DCAF17: variants seen among roughly 807,000 people sequenced by gnomAD.
DCAF17 encodes the protein DDB1- and CUL4-associated factor 17.
Under a neutral mutation model 66.0 loss-of-function variants are expected in DCAF17, and 48 were observed. The ratio of observed to expected loss-of-function variants is 0.73; its 90% confidence interval spans 0.58 to 0.92. The LOEUF (loss-of-function observed/expected upper bound fraction) is 0.92. Ranked by LOEUF, DCAF17 falls within the 40% of genes least tolerant of loss-of-function variation. The pLI, the probability that DCAF17 is intolerant of heterozygous loss-of-function variation, is 0.00. For missense variants in DCAF17, 562 were observed against 622.8 expected (o/e 0.90, Z 1.04); for synonymous variants, 206 against 214.6 (o/e 0.96, Z 0.35).
rs930271306 is a variant in DCAF17 at position 171,483,977 on chromosome 2, A to T, written c.*2863A>T. 1 of 454,048 alleles carries T rather than the reference A, an allele frequency of 2.2e-6. No homozygotes were observed. The highest frequency in any genetic ancestry group is 1.6e-5 in the South Asian group (1 of 64,438). 28.1% of individuals were successfully genotyped at this position (454,048 alleles called of 1,614,324 possible). A position where few individuals can be genotyped will look rare whatever the true frequency, so the allele number is the denominator to read the frequency against. On this transcript the variant is annotated 3_prime_UTR_variant, in exon 14 of 14. Transcript: ENST00000375255. The stretch of plus-strand genomic sequence containing the variant: ...CCAACAACTATAATACTAGATATGT[A>T]GGAAAGTGCTTAATAATCGTTTTTT...
chr2:171,434,716 C>CGGCCGGGGCGGGACGGAG lies in DCAF17; in HGVS notation c.126+19_126+36dup. 2 of 1,447,462 alleles carry CGGCCGGGGCGGGACGGAG rather than the reference C, an allele frequency of 1.4e-6. No individual in the cohort carries two copies. The highest frequency in any genetic ancestry group is 1.8e-6 in the Non-Finnish European group (2 of 1,110,674). The allele number at this position is 1,447,462 out of a possible 1,614,324, so 89.7% of individuals were successfully genotyped here. ...GCTGGTGTGCCAGGTGACCGCCAGC[C>CGGCCGGGGCGGGACGGAG]GGCCGGGGCGGGACGGAGGGCCGCG... On this transcript the variant is annotated intron_variant, in intron 1 of 13. Transcript: ENST00000375255.
rs1694439874 is a variant in DCAF17, at chr2:171,443,562, A to G, written c.270A>G (p.Lys90=). ...SEPRKLYEMP[K]CSKSEKIEDA... is the part of the protein sequence containing the mutation. The stretch of plus-strand genomic sequence containing the variant: ...CAAGAAAACTTTATGAAATGCCAAA[A>G]TGTTCCAAATCAGAAAAAATAGAGG... The change falls in exon 3 of 14, where the codon AAA becomes AAG. Residue 90 remains lysine, a synonymous_variant. Coordinates refer to ENST00000375255, the MANE Select transcript of DCAF17 (RefSeq NM_025000.4). 11 of 1,613,142 alleles carry G rather than the reference A, an allele frequency of 6.8e-6. No individual in the cohort carries two copies. The highest frequency in any genetic ancestry group is 9.3e-6 in the Non-Finnish European group (11 of 1,179,472).
Position 171,458,038 on chromosome 2 carries a change from T to A in DCAF17, c.695T>A (p.Leu232Gln). The A allele has an allele frequency of 1.9e-6, 3 of 1,614,100 alleles. No individual in the cohort carries two copies. The highest frequency in any genetic ancestry group is 2.5e-6 in the Non-Finnish European group (3 of 1,179,978). Residue 232 changes from leucine (L) to glutamine (Q), a missense_variant, in exon 7 of 14, where the codon CTG (leucine) becomes CAG (glutamine). Physicochemically the swap from Leu to Gln is moderately radical, Grantham distance 113. This residue lies in a region of DCAF17 where 348 missense variants were observed against 355.9 expected (regional missense o/e 0.98). Transcript: ENST00000375255. ...GILIVMYSSG[L>Q]VRLYSFQTIA... Reference sequence around the variant, plus strand: ...CTGATTGTGATGTACAGCTCAGGACTGGTCAGACTCTATAGCTTCCAAACC... The same window carrying A: ...CTGATTGTGATGTACAGCTCAGGACAGGTCAGACTCTATAGCTTCCAAACC...
chr2:171,441,365 A>G (rs1559256134), intron 2 of DCAF17, among the ~76,000 whole-genome samples: 1 of 152,162 alleles, frequency 6.6e-6, no homozygotes, highest in East Asian at 1.9e-4. Context: ...CACTGACCTC[A>G]GATCTTCCCA....
intron 10 of DCAF17, chr2:171,474,397 T>C (rs1696400114): frequency 5.0e-6 from 1 of 199,988 alleles, no homozygotes; most frequent in East Asian, 1.3e-4. Context: ...AACTGACCTC[T>C]CCTTCCCTTA....
intron 9 of DCAF17, among the ~76,000 whole-genome samples, chr2:171,469,773 A>G (rs1696135444): frequency 6.6e-6 from 1 of 152,046 alleles, no homozygotes; most frequent in Admixed American, 6.6e-5. Context: ...GGGGAGTTCC[A>G]TTTTTATTTT....
At chr2:171,446,705 A>T (rs180809674) in intron 3 of DCAF17, among the ~76,000 whole-genome samples, 3 of 152,192 alleles carry the variant, frequency 2.0e-5, no homozygotes, top group Non-Finnish European at 2.9e-5. Flanking sequence ...AACAGTGTGG[A>T]GACTGCTAAG....
intron 2 of DCAF17, among the ~76,000 whole-genome samples, chr2:171,435,545 G>T (rs1574306175): frequency 8.2e-6 from 1 of 122,192 alleles, no homozygotes; most frequent in African/African-American, 2.9e-5. Flanking sequence ...GGAAGTACTT[G>T]CCTTTTTTTT....
At position 171,442,563 on chromosome 2, in the gene DCAF17, CAA is replaced by C. The variant is rs1176443561; in HGVS notation, c.231-941_231-940del. On this transcript the variant is annotated intron_variant, in intron 2 of 13. Coordinates refer to ENST00000375255, the MANE Select transcript of DCAF17 (RefSeq NM_025000.4). ...TGGGAGACAGAGTGAGACTCCATCT[CAA>C]AAAAAAAAAAAAAAAAAAGAAAGAA... Among the ~76,000 whole-genome samples, 28 of 60,624 alleles carry C rather than the reference CAA, an allele frequency of 4.6e-4. 1 individual carries two copies. Among genetic ancestry groups the C allele is most frequent in the East Asian group, 1.0e-3 (2 of 2,004 alleles). 39.8% of individuals were successfully genotyped at this position (60,624 alleles called of 152,430 possible).
In DCAF17 at chr2:171,484,177, A is replaced by T. The variant is rs1328332436; in HGVS notation, c.*3063A>T. On this transcript the variant is annotated 3_prime_UTR_variant, in exon 14 of 14. Coordinates refer to ENST00000375255, the MANE Select transcript of DCAF17 (RefSeq NM_025000.4). ...TTTCATATTATTTGGCTTCCATATTAATCATTTTTATATTTTCTTCTCCTT... is the reference window on the plus strand; with the variant it reads ...TTTCATATTATTTGGCTTCCATATTTATCATTTTTATATTTTCTTCTCCTT... 2.2e-6 allele frequency: 1 copy of T among 446,358 alleles called. No individual in the cohort carries two copies. The highest frequency in any genetic ancestry group is 2.0e-5 in the African/African-American group (1 of 49,442). The allele number at this position is 446,358 out of a possible 1,614,324, so 27.6% of individuals were successfully genotyped here. A position where few individuals can be genotyped will look rare whatever the true frequency, so the allele number is the denominator to read the frequency against.
intron 9 of DCAF17, among the ~76,000 whole-genome samples, chr2:171,470,768 A>G (rs1456759266): frequency 6.6e-6 from 1 of 152,120 alleles, no homozygotes; most frequent in Non-Finnish European, 1.5e-5. Flanking sequence ...ATTCTTTTTT[A>G]TAAGAACTGA....
intron 2 of DCAF17, among the ~76,000 whole-genome samples, chr2:171,439,524 T>C (rs1336272501): frequency 1.3e-5 from 2 of 150,020 alleles, no homozygotes; most frequent in Non-Finnish European, 3.0e-5. Context: ...TTTTTTTTTT[T>C]TTTTTTTTAG....
intron 3 of DCAF17, among the ~76,000 whole-genome samples, chr2:171,446,111 C>T (rs1008832602): frequency 3.3e-5 from 5 of 152,008 alleles, no homozygotes; most frequent in African/African-American, 1.2e-4. Context: ...ATCTTATAGC[C>T]AGTATTTTAA....
intron 6 of DCAF17, among the ~76,000 whole-genome samples, chr2:171,453,457 T>TGTTATGAAA (rs1695070690): frequency 2.0e-5 from 3 of 152,290 alleles, no homozygotes; most frequent in Non-Finnish European, 4.4e-5. Context: ...CAAACTACTA[T>TGTTATGAAA]GTTATGAAAT....
At chr2:171,466,867 T>G (rs1695934617) in intron 8 of DCAF17, among the ~76,000 whole-genome samples, 1 of 152,038 alleles carries the variant, frequency 6.6e-6, no homozygotes, top group Admixed American at 6.6e-5. Context: ...ATGTTTTTCT[T>G]TTAATAATTT....
Position 171,482,435 on chromosome 2 carries a change from A to G in DCAF17, c.*1321A>G, listed in dbSNP as rs1436836611. 1 of 453,810 alleles carries G rather than the reference A, an allele frequency of 2.2e-6. No individual in the cohort carries two copies. The highest frequency in any genetic ancestry group is 4.4e-6 in the Non-Finnish European group (1 of 226,768). The allele number at this position is 453,810 out of a possible 1,614,324, so 28.1% of individuals were successfully genotyped here. A position where few individuals can be genotyped will look rare whatever the true frequency, so the allele number is the denominator to read the frequency against. ...TTCTTCCCAGTTCTGCCCTGGTGCT[A>G]GACATTGCCCCATACTTTCAATTAG... On this transcript the variant is annotated 3_prime_UTR_variant, in exon 14 of 14. Coordinates refer to ENST00000375255, the MANE Select transcript of DCAF17 (RefSeq NM_025000.4).
chr2:171,443,714 T>C (rs1694449863), intron 3 of DCAF17, 101 bp downstream of exon 3: 1 of 897,460 alleles, frequency 1.1e-6, no homozygotes, highest in South Asian at 1.4e-5. Context: ...TTAAATATCA[T>C]AGTGACTCTT....
At chr2:171,461,213 C>T (rs998666370) in intron 8 of DCAF17, among the ~76,000 whole-genome samples, 2 of 152,006 alleles carry the variant, frequency 1.3e-5, no homozygotes, top group Non-Finnish European at 1.5e-5. Flanking sequence ...AGGAGGCTGA[C>T]GCGGGCAGAT....
chr2:171,477,985 A>G lies in DCAF17; in HGVS notation c.1183-2A>G. On this transcript the variant is annotated splice_acceptor_variant, in intron 11 of 13. Coordinates refer to ENST00000375255, the MANE Select transcript of DCAF17 (RefSeq NM_025000.4). LOFTEE classifies it high-confidence loss of function. ...ATCTTTTTATTTCTTTCCATATGAT[A>G]GAATGAAAATGTACTCACTGTTACA... is the stretch of plus-strand genomic sequence containing the variant. 6.2e-7 allele frequency: 1 copy of G among 1,610,794 alleles called. No individual in the cohort carries two copies. Among genetic ancestry groups the G allele is most frequent in the South Asian group, 1.1e-5 (1 of 91,022 alleles).
Sources: allele counts gnomAD v4.1 joint callset (sites outside exome capture counted in the v4.1 genomes callset), GRCh38; gene constraint gnomAD v4.1.1; regional missense constraint gnomAD v4.1.1; transcripts MANE v1.5; gene names NCBI Gene and HGNC (gene_info 2026-07-23, HGNC 2026-07-21).